Variants in PCDHB12 observed in about 807,000 individuals in gnomAD.
PCDHB12 encodes the protein protocadherin beta 12.
For missense variants in PCDHB12, 1,192 were observed against 998.2 expected (o/e 1.19, Z -2.62); for synonymous variants, 560 against 445.2 (o/e 1.26, Z -3.24).
chr5:141,210,767 C>T lies in PCDHB12; in HGVS notation c.1860C>T (p.His620=). 1 of 1,602,138 alleles carries T rather than the reference C, an allele frequency of 6.2e-7. No homozygotes were observed. The change falls in exon 1 of 1, where the codon CAC becomes CAT. Residue 620 remains histidine (H), a synonymous_variant. Coordinates refer to ENST00000239450, the MANE Select transcript of PCDHB12 (RefSeq NM_018932.4). The part of the protein sequence containing the change: ...TEPGLFGVWA[H]NGEVRTARLL... ...CCGGGCTATTCGGCGTGTGGGCGCA[C>T]AATGGCGAGGTGCGCACCGCCAGGC...
chr5:141,208,925 A>G lies in PCDHB12; in HGVS notation c.18A>G (p.Ala6=). 6.5e-7 allele frequency: 1 copy of G among 1,527,528 alleles called. No individual in the cohort carries two copies. Among genetic ancestry groups the G allele is most frequent in the Non-Finnish European group, 8.8e-7 (1 of 1,141,382 alleles). 94.6% of individuals were successfully genotyped at this position (1,527,528 alleles called of 1,614,324 possible). The change falls in exon 1 of 1, where the codon GCA becomes GCG. Residue 6 remains alanine, a synonymous_variant. Coordinates refer to ENST00000239450, the MANE Select transcript of PCDHB12 (RefSeq NM_018932.4). MENGG[A]GTLQIRQVLL... Reference sequence around the variant, plus strand: ...AAGAAGCTATGGAAAACGGAGGGGCAGGCACTCTGCAGATAAGGCAAGTCC... The same window carrying G: ...AAGAAGCTATGGAAAACGGAGGGGCGGGCACTCTGCAGATAAGGCAAGTCC...
rs782395216 is a variant in PCDHB12 at position 141,208,954 on chromosome 5, T to C, written c.47T>C (p.Leu16Pro). 1 of 1,554,746 alleles carries C rather than the reference T, an allele frequency of 6.4e-7. No individual in the cohort carries two copies. Among genetic ancestry groups the C allele is most frequent in the Non-Finnish European group, 8.7e-7 (1 of 1,155,116 alleles). Reference sequence around the variant, plus strand: ...ACTCTGCAGATAAGGCAAGTCCTGCTTTTCTTTGTTTTGCTGGGAATGTCT... The same window carrying C: ...ACTCTGCAGATAAGGCAAGTCCTGCCTTTCTTTGTTTTGCTGGGAATGTCT... ...AGTLQIRQVLLFFVLLGMSQA... is the reference protein window; with the variant it reads ...AGTLQIRQVLPFFVLLGMSQA... The change falls in exon 1 of 1, where the codon CTT becomes CCT. Residue 16 changes from leucine (L) to proline (P), a missense_variant. Transcript: ENST00000239450.
Position 141,209,124 on chromosome 5 carries a change from G to A in PCDHB12, c.217G>A (p.Glu73Lys), listed in dbSNP as rs782379709. The A allele has an allele frequency of 1.9e-6, 3 of 1,614,040 alleles. No individual in the cohort carries two copies. Among genetic ancestry groups the A allele is most frequent in the East Asian group, 4.5e-5 (2 of 44,890 alleles). Residue 73 changes from glutamate to lysine, a missense_variant, in exon 1 of 1, where the codon GAG (glutamate) becomes AAG (lysine). Coordinates refer to ENST00000239450, the MANE Select transcript of PCDHB12 (RefSeq NM_018932.4). The part of the protein sequence containing the change: ...GARVVSNDNK[E>K]CLQLDTNTGD... ...TCGGGTGGTTTCTAATGATAACAAA[G>A]AGTGTTTGCAGCTGGACACAAACAC...
rs373842919 is a variant in PCDHB12 at position 141,209,902 on chromosome 5, C to T, written c.995C>T (p.Thr332Ile). ...TDGGGLFGKS[T>I]VRIQVMDVND... ...GGGGGAGGACTTTTTGGAAAATCTA[C>T]AGTCAGAATTCAGGTGATGGATGTA... Residue 332 changes from threonine (T) to isoleucine (I), a missense_variant, in exon 1 of 1, where the codon ACA (threonine) becomes ATA (isoleucine). By Grantham distance (89) the Thr-to-Ile change is moderately conservative (BLOSUM62 -1). Transcript: ENST00000239450. The T allele has an allele frequency of 2.6e-5, 42 of 1,614,060 alleles. No individual in the cohort carries two copies. Among genetic ancestry groups the T allele is most frequent in the Non-Finnish European group, 3.4e-5 (40 of 1,180,042 alleles).
At position 141,210,859 on chromosome 5, in the gene PCDHB12, C is replaced by T. The variant is rs1226471176; in HGVS notation, c.1952C>T (p.Pro651Leu). 7 of 1,603,454 alleles carry T rather than the reference C, an allele frequency of 4.4e-6. No homozygotes were observed. The Admixed American group carries it at 6.7e-5, about 15-fold the overall frequency. The change falls in exon 1 of 1, where the codon CCG becomes CTG. Residue 651 changes from proline to leucine, a missense_variant. Transcript: ENST00000239450. ...VVLVKDNGEP[P>L]RSATATLHVL... ...CTGGTCAAGGACAATGGCGAGCCTC[C>T]GCGCTCGGCCACCGCCACGCTGCAC...
chr5:141,210,866 G>A lies in PCDHB12; in HGVS notation c.1959G>A (p.Ser653=), dbSNP rs782115069. 5.6e-6 allele frequency: 9 copies of A among 1,604,206 alleles called. No individual in the cohort carries two copies. In the South Asian group the frequency reaches 8.8e-5, roughly 16 times the overall value. ...AGGACAATGGCGAGCCTCCGCGCTCGGCCACCGCCACGCTGCACGTGCTCC... is the reference window on the plus strand; with the variant it reads ...AGGACAATGGCGAGCCTCCGCGCTCAGCCACCGCCACGCTGCACGTGCTCC... The part of the protein sequence containing the change: ...LVKDNGEPPR[S]ATATLHVLLV... The change falls in exon 1 of 1, where the codon TCG becomes TCA. Residue 653 remains serine, a synonymous_variant. Coordinates refer to ENST00000239450, the MANE Select transcript of PCDHB12 (RefSeq NM_018932.4).
In PCDHB12 at chr5:141,210,399, C is replaced by A; in HGVS notation, c.1492C>A (p.Leu498Met). 6.2e-7 allele frequency: 1 copy of A among 1,613,112 alleles called. No homozygotes were observed. Among genetic ancestry groups the A allele is most frequent in the Non-Finnish European group, 8.5e-7 (1 of 1,180,028 alleles). Reference protein sequence around the residue: ...YSLLPSQDPHLPLASLVSINA... With the variant: ...YSLLPSQDPHMPLASLVSINA... ...GCTGCTGCCGTCCCAGGACCCGCAC[C>A]TGCCCCTCGCCTCCCTGGTCTCCAT... The change falls in exon 1 of 1, where the codon CTG becomes ATG. Residue 498 changes from leucine (L) to methionine (M), a missense_variant. Coordinates refer to ENST00000239450, the MANE Select transcript of PCDHB12 (RefSeq NM_018932.4).
chr5:141,210,285 G>T lies in PCDHB12; in HGVS notation c.1378G>T (p.Val460Phe), dbSNP rs201639038. 1.9e-6 allele frequency: 3 copies of T among 1,613,852 alleles called. No homozygotes were observed. The highest frequency in any genetic ancestry group is 1.3e-5 in the African/African-American group (1 of 75,028). ...CACCCAAACTTCCTACGCCCTGTTC[G>T]TCCGCGAGAACAACAGCCCCGCCCT... ...AFTQTSYALF[V>F]RENNSPALHI... is the part of the protein sequence containing the mutation. Residue 460 changes from valine to phenylalanine, a missense_variant, in exon 1 of 1, where the codon GTC becomes TTC. By Grantham distance (50) the Val-to-Phe change is conservative (BLOSUM62 -1). Transcript: ENST00000239450.
Position 141,210,441 on chromosome 5 carries a change from C to A in PCDHB12, c.1534C>A (p.His512Asn), listed in dbSNP as rs781954477. The change falls in exon 1 of 1, where the codon CAC becomes AAC. Residue 512 changes from histidine (H) to asparagine (N), a missense_variant. His to Asn is a moderately conservative substitution (Grantham distance 68). Coordinates refer to ENST00000239450, the MANE Select transcript of PCDHB12 (RefSeq NM_018932.4). ...GGTCTCCATCAACGCGGACAACGGCCACCTGTTTGCCCTCAGGTCGCTGGA... is the reference window on the plus strand; with the variant it reads ...GGTCTCCATCAACGCGGACAACGGCAACCTGTTTGCCCTCAGGTCGCTGGA... ...SLVSINADNG[H>N]LFALRSLDYE... 1.9e-6 allele frequency: 3 copies of A among 1,613,044 alleles called. No individual in the cohort carries two copies. Among genetic ancestry groups the A allele is most frequent in the Non-Finnish European group, 2.5e-6 (3 of 1,179,912 alleles).
In PCDHB12 at chr5:141,211,507, A is replaced by G. The variant is rs1379840264; in HGVS notation, c.*212A>G. The G allele has an allele frequency of 5.9e-5, 38 of 645,784 alleles. No individual in the cohort carries two copies. The highest frequency in any genetic ancestry group is 2.9e-5 in the Admixed American group (1 of 34,700). 40.0% of individuals were successfully genotyped at this position (645,784 alleles called of 1,614,324 possible). A position where few individuals can be genotyped will look rare whatever the true frequency, so the allele number is the denominator to read the frequency against. ...CATGTGTAATGGTTTATGTCAAACA[A>G]TTATGCTTAATATAAAGTCTATTAA... On this transcript the variant is annotated 3_prime_UTR_variant, in exon 1 of 1. Coordinates refer to ENST00000239450, the MANE Select transcript of PCDHB12 (RefSeq NM_018932.4).
Position 141,209,195 on chromosome 5 carries a change from T to C in PCDHB12, c.288T>C (p.Cys96=). ...LREMLDREEL[C]GSNEPCVLYF... ...AAATGCTAGACAGGGAGGAGCTCTG[T>C]GGCTCCAATGAGCCTTGTGTGCTGT... The change falls in exon 1 of 1, where the codon TGT becomes TGC. Residue 96 remains cysteine (C), a synonymous_variant. Transcript: ENST00000239450. 6.2e-7 allele frequency: 1 copy of C among 1,614,212 alleles called. No homozygotes were observed. The highest frequency in any genetic ancestry group is 1.1e-5 in the South Asian group (1 of 91,086).
rs782394387 is a variant in PCDHB12, at chr5:141,211,184, C to T, written c.2277C>T (p.Ser759=). 5.9e-5 allele frequency: 96 copies of T among 1,614,052 alleles called. No individual in the cohort carries two copies. Among genetic ancestry groups the T allele is most frequent in the South Asian group, 1.1e-5 (1 of 91,076 alleles). The change falls in exon 1 of 1, where the codon TCC becomes TCT. Residue 759 remains serine, a synonymous_variant. Transcript: ENST00000239450. Reference sequence around the variant, plus strand: ...ATGAGGTGTGTGTGACTGGAGGCTCCAGGTCAAATAAGTTCAAATTTCTGA... The same window carrying T: ...ATGAGGTGTGTGTGACTGGAGGCTCTAGGTCAAATAAGTTCAAATTTCTGA... ...YHYEVCVTGG[S]RSNKFKFLKP...
In PCDHB12 at chr5:141,209,461, A is replaced by G. The variant is rs782519313; in HGVS notation, c.554A>G (p.Asn185Ser). The change falls in exon 1 of 1, where the codon AAT becomes AGT. Residue 185 changes from asparagine to serine, a missense_variant. Transcript: ENST00000239450. Reference protein sequence around the residue: ...NSHFHVKIRVNPDNRKYPELV... With the variant: ...NSHFHVKIRVSPDNRKYPELV... Reference sequence around the variant, plus strand: ...CATTTCCACGTTAAAATAAGAGTCAATCCAGACAATAGGAAATACCCTGAG... The same window carrying G: ...CATTTCCACGTTAAAATAAGAGTCAGTCCAGACAATAGGAAATACCCTGAG... 2 of 1,614,222 alleles carry G rather than the reference A, an allele frequency of 1.2e-6. No homozygotes were observed. Among genetic ancestry groups the G allele is most frequent in the Non-Finnish European group, 1.7e-6 (2 of 1,180,042 alleles).
In PCDHB12 at chr5:141,210,041, C is replaced by T. The variant is rs138372421; in HGVS notation, c.1134C>T (p.Asn378=). The T allele has an allele frequency of 1.2e-6, 2 of 1,614,154 alleles. No individual in the cohort carries two copies. Among genetic ancestry groups the T allele is most frequent in the South Asian group, 1.1e-5 (1 of 91,080 alleles). ...TACGAGACAGAGACTCTGGGGACAA[C>T]GGAAAGATGGTTTGTTCTATCCCGG... ...FRIRDRDSGD[N]GKMVCSIPED... The change falls in exon 1 of 1, where the codon AAC becomes AAT. Residue 378 remains asparagine, a synonymous_variant. Coordinates refer to ENST00000239450, the MANE Select transcript of PCDHB12 (RefSeq NM_018932.4).
Position 141,210,080 on chromosome 5 carries a change from C to T in PCDHB12, c.1173C>T (p.Phe391=). ...GTTCTATCCCGGAGGACATCCCATT[C>T]GTGCTAAAATCTTCGGTAAATAATT... ...MVCSIPEDIP[F]VLKSSVNNYY... The change falls in exon 1 of 1, where the codon TTC becomes TTT. Residue 391 remains phenylalanine (F), a synonymous_variant. Coordinates refer to ENST00000239450, the MANE Select transcript of PCDHB12 (RefSeq NM_018932.4). The T allele has an allele frequency of 1.9e-6, 3 of 1,614,190 alleles. No homozygotes were observed. Among genetic ancestry groups the T allele is most frequent in the Non-Finnish European group, 2.5e-6 (3 of 1,180,040 alleles).
In PCDHB12 at chr5:141,209,538, A is replaced by T. The variant is rs781783767; in HGVS notation, c.631A>T (p.Ile211Phe). The T allele has an allele frequency of 5.0e-6, 8 of 1,614,086 alleles. No individual in the cohort carries two copies. Among genetic ancestry groups the T allele is most frequent in the Non-Finnish European group, 5.1e-6 (6 of 1,180,062 alleles). The change falls in exon 1 of 1, where the codon ATC becomes TTC. Residue 211 changes from isoleucine (I) to phenylalanine (F), a missense_variant. Coordinates refer to ENST00000239450, the MANE Select transcript of PCDHB12 (RefSeq NM_018932.4). ...DYEERPELSF[I>F]LTALDGGSPP... ...TGAAGAGCGCCCGGAGCTCAGTTTC[A>T]TCCTCACTGCTCTGGATGGCGGGTC...
rs782005782 is a variant in PCDHB12 at position 141,211,041 on chromosome 5, C to G, written c.2134C>G (p.Arg712Gly). 5 of 1,612,698 alleles carry G rather than the reference C, an allele frequency of 3.1e-6. No individual in the cohort carries two copies. In the East Asian group the frequency reaches 6.7e-5, roughly 22 times the overall value. ...LFSVLLFVAV[R>G]LCRRSRAAPV... ...CTCGGTGCTCCTGTTCGTGGCGGTG[C>G]GGCTGTGCAGGAGGAGCAGGGCGGC... Residue 712 changes from arginine to glycine, a missense_variant, in exon 1 of 1, where the codon CGG (arginine) becomes GGG (glycine). Transcript: ENST00000239450.
At position 141,209,881 on chromosome 5, in the gene PCDHB12, G is replaced by A. The variant is rs1277969078; in HGVS notation, c.974G>A (p.Gly325Glu). The change falls in exon 1 of 1, where the codon GGA (glycine) becomes GAA (glutamate). Residue 325 changes from glycine (G) to glutamate (E), a missense_variant. Coordinates refer to ENST00000239450, the MANE Select transcript of PCDHB12 (RefSeq NM_018932.4). ...YSIIIQATDGGGLFGKSTVRI... is the reference protein window; with the variant it reads ...YSIIIQATDGEGLFGKSTVRI... The stretch of plus-strand genomic sequence containing the variant: ...ATAATCATTCAAGCCACAGATGGGG[G>A]AGGACTTTTTGGAAAATCTACAGTC... The A allele has an allele frequency of 1.2e-6, 2 of 1,614,108 alleles. No individual in the cohort carries two copies. Among genetic ancestry groups the A allele is most frequent in the Non-Finnish European group, 1.7e-6 (2 of 1,180,058 alleles).
In PCDHB12 at chr5:141,209,210, T is replaced by C; in HGVS notation, c.303T>C (p.Pro101=). ...AGGAGCTCTGTGGCTCCAATGAGCCTTGTGTGCTGTATTTCCAAGTGTTAA... is the reference window on the plus strand; with the variant it reads ...AGGAGCTCTGTGGCTCCAATGAGCCCTGTGTGCTGTATTTCCAAGTGTTAA... ...DREELCGSNE[P]CVLYFQVLMK... The change falls in exon 1 of 1, where the codon CCT becomes CCC. Residue 101 remains proline, a synonymous_variant. Coordinates refer to ENST00000239450, the MANE Select transcript of PCDHB12 (RefSeq NM_018932.4). 1 of 1,614,196 alleles carries C rather than the reference T, an allele frequency of 6.2e-7. No individual in the cohort carries two copies. Among genetic ancestry groups the C allele is most frequent in the Non-Finnish European group, 8.5e-7 (1 of 1,180,032 alleles).
Sources: gnomAD v4.1 joint callset for allele counts on GRCh38, gnomAD v4.1.1 for gene constraint, MANE v1.5 for transcripts, NCBI Gene and HGNC (gene_info 2026-07-23, HGNC 2026-07-21) for gene names.